The following ASS1 variants were observed in gnomAD, a reference collection of about 807,000 sequenced individuals.
ASS1 encodes the protein argininosuccinate synthase.
In ASS1, 58 loss-of-function variants were observed where a neutral mutation model predicts 60.5. The ratio of observed to expected loss-of-function variants is 0.96; its 90% CI spans 0.78 to 1.19. The LOEUF is 1.19. ASS1 is among the 50% of genes most tolerant of loss of function. The probability of loss-of-function intolerance (pLI) is 0.00; values close to 1 mark genes in which losing one functional copy is unlikely to be tolerated. For synonymous variants in ASS1, 200 were observed against 206.9 expected (o/e 0.97, Z 0.29); for missense variants, 454 against 547.3 (o/e 0.83, Z 1.70).
chr9:130,466,575 C>A, intron 5 of ASS1, 150 bp from the exon 6 acceptor site: 1 of 741,018 alleles, frequency 1.3e-6, no homozygotes. Flanking sequence ...CTTCATGGGG[C>A]TCCCTCTCAC....
chr9:130,496,092 A>G (rs899152283), intron 13 of ASS1, among the ~76,000 whole-genome samples: 16 of 152,158 alleles, frequency 1.1e-4, no homozygotes, highest in African/African-American at 3.9e-4. Flanking sequence ...CGCTGGGCCA[A>G]GAGAGACTGC....
At chr9:130,454,589 T>C (rs191578578) in intron 3 of ASS1, among the ~76,000 whole-genome samples, 43 of 152,176 alleles carry the variant, frequency 2.8e-4, no homozygotes, top group Non-Finnish European at 4.7e-4. Context: ...AGGTGGAGTG[T>C]CTCTTCCCCA....
chr9:130,470,871 C>T lies in ASS1; in HGVS notation c.533C>T (p.Pro178Leu), dbSNP rs768846877. 1.3e-5 allele frequency: 21 copies of T among 1,614,030 alleles called. No homozygotes were observed. The highest frequency in any genetic ancestry group is 3.3e-4 in the Middle Eastern group (2 of 6,084). The change falls in exon 7 of 15, where the codon CCG becomes CTG. Residue 178 changes from proline (P) to leucine (L), a missense_variant. Pro to Leu is a moderately conservative substitution (Grantham distance 98, BLOSUM62 -3). Coordinates refer to ENST00000352480, the MANE Select transcript of ASS1 (RefSeq NM_054012.4). The surrounding 1 kb of genome is among the most constrained non-coding windows in gnomAD (Gnocchi z 4.3). ...GIPIPVTPKNPWSMDENLMHI... is the reference protein window; with the variant it reads ...GIPIPVTPKNLWSMDENLMHI... Reference sequence around the variant, plus strand: ...CCCATCCCGGTCACTCCCAAGAACCCGTGGAGCATGGATGAGAACCTCATG... The same window carrying T: ...CCCATCCCGGTCACTCCCAAGAACCTGTGGAGCATGGATGAGAACCTCATG...
chr9:130,455,839 A>G (rs7860909), intron 3 of ASS1, among the ~76,000 whole-genome samples: 50,421 of 152,140 alleles, frequency 0.33, 8,478 homozygotes, highest in Middle Eastern at 0.37. Context: ...TGCCAGGGTA[A>G]TTAGCATGTT....
intron 7 of ASS1, among the ~76,000 whole-genome samples, chr9:130,471,246 T>A (rs1845859379): frequency 6.6e-6 from 1 of 152,132 alleles, no homozygotes; most frequent in South Asian, 2.1e-4. Context: ...CCCAACCACG[T>A]GCAGAGCCCC....
chr9:130,458,752 G>A (rs762514886), intron 4 of ASS1, among the ~76,000 whole-genome samples, 163 bp downstream of exon 4: 3 of 152,352 alleles, frequency 2.0e-5, no homozygotes, highest in South Asian at 4.1e-4. Flanking sequence ...GTAACAGCTC[G>A]CCCCTGCGCT....
At chr9:130,480,067 G>T (rs1240184954) in intron 10 of ASS1, among the ~76,000 whole-genome samples, 1 of 152,236 alleles carries the variant, frequency 6.6e-6, no homozygotes, top group Non-Finnish European at 1.5e-5. Flanking sequence ...GCCCTTGGCT[G>T]GATGGGAGGC....
Position 130,477,905 on chromosome 9 carries a change from C to T in ASS1, c.688+944C>T, listed in dbSNP as rs889696417. Among the ~76,000 whole-genome samples, 2 of 152,156 alleles carry T rather than the reference C, an allele frequency of 1.3e-5. No homozygotes were observed. The highest frequency in any genetic ancestry group is 1.9e-4 in the East Asian group (1 of 5,182). On this transcript the variant is annotated intron_variant, in intron 9 of 14. Coordinates refer to ENST00000352480, the MANE Select transcript of ASS1 (RefSeq NM_054012.4). This position sits in a 1 kb window ranked among gnomAD's most constrained non-coding sequence, Gnocchi z 4.2. ...CGGCTCTGGCGCTCGGCTCTTACCCCGGCTACCACAGAAAGGAGGATAGGG... is the reference window on the plus strand; with the variant it reads ...CGGCTCTGGCGCTCGGCTCTTACCCTGGCTACCACAGAAAGGAGGATAGGG...
In ASS1 at chr9:130,495,003, C is replaced by T. The variant is rs748301803; in HGVS notation, c.1107C>T (p.Leu369=). The T allele has an allele frequency of 1.2e-6, 2 of 1,612,874 alleles. No individual in the cohort carries two copies. The highest frequency in any genetic ancestry group is 2.2e-5 in the South Asian group (2 of 90,994). The part of the protein sequence containing the change: ...YILGRESPLS[L]YNEELVSMNV... Reference sequence around the variant, plus strand: ...TCGGCCGGGAGTCCCCACTGTCTCTCTACAATGAGGAGCTGGTGAGGTAGG... The same window carrying T: ...TCGGCCGGGAGTCCCCACTGTCTCTTTACAATGAGGAGCTGGTGAGGTAGG... The change falls in exon 13 of 15, where the codon CTC becomes CTT. Residue 369 remains leucine (L), a synonymous_variant. Coordinates refer to ENST00000352480, the MANE Select transcript of ASS1 (RefSeq NM_054012.4).
At chr9:130,452,142 T>G in intron 1 of ASS1, 82 bp from the exon 2 acceptor site, 1 of 1,231,806 alleles carries the variant, frequency 8.1e-7, no homozygotes, top group Non-Finnish European at 1.2e-6. Context: ...AAGGCCAAGG[T>G]CGGGGCTGGG....
At position 130,471,529 on chromosome 9, in the gene ASS1, C is replaced by A; in HGVS notation, c.597+14C>A. On this transcript the variant is annotated intron_variant, in intron 8 of 14. Transcript: ENST00000352480. ...GAGAACCCCAAGGTAATCCCCCAAA[C>A]CCCATCTCCTCCCAGCTGGCCACCT... 1 of 1,612,878 alleles carries A rather than the reference C, an allele frequency of 6.2e-7. No individual in the cohort carries two copies. Among genetic ancestry groups the A allele is most frequent in the Non-Finnish European group, 8.5e-7 (1 of 1,178,838 alleles).
chr9:130,500,067 T>C (rs1432228774), intron 14 of ASS1, among the ~76,000 whole-genome samples: 1 of 151,784 alleles, frequency 6.6e-6, no homozygotes. Context: ...CCAGTAAGAG[T>C]GTCAGCTGTA....
At position 130,480,860 on chromosome 9, in the gene ASS1, CA is replaced by C. The variant is rs1284792294; in HGVS notation, c.838+412del. Among the ~76,000 whole-genome samples, 4 of 152,226 alleles carry C rather than the reference CA, an allele frequency of 2.6e-5. No homozygotes were observed. In the East Asian group the frequency reaches 5.8e-4, roughly 22 times the overall value. On this transcript the variant is annotated intron_variant, in intron 11 of 14. Transcript: ENST00000352480. ...CGGCCAGGCAGGGCGAAAATCCTGC[CA>C]GGGGTGGGCGCTGTGGCTGCACAGG... is the stretch of plus-strand genomic sequence containing the variant.
intron 4 of ASS1, among the ~76,000 whole-genome samples, chr9:130,462,384 G>A (rs1483638299): frequency 6.6e-6 from 1 of 152,196 alleles, no homozygotes; most frequent in Non-Finnish European, 1.5e-5. Flanking sequence ...CCGGAAAGCT[G>A]CCAGGAGCTG....
At chr9:130,455,356 A>G (rs1475434335) in intron 3 of ASS1, among the ~76,000 whole-genome samples, 1 of 149,698 alleles carries the variant, frequency 6.7e-6, no homozygotes, top group Non-Finnish European at 1.5e-5. Flanking sequence ...TCCACTGTCT[A>G]TCCATCCATT....
rs894823763 is a variant in ASS1, at chr9:130,494,716, T to C, written c.971-151T>C. On this transcript the variant is annotated intron_variant, in intron 12 of 14. Coordinates refer to ENST00000352480, the MANE Select transcript of ASS1 (RefSeq NM_054012.4). The surrounding 1 kb of genome is among the most constrained non-coding windows in gnomAD (Gnocchi z 4.3). Reference sequence around the variant, plus strand: ...AAAGCATGGTCCTCAACTCAGCCACTGGCAAGCGCACATTGTGCCAGTCTC... The same window carrying C: ...AAAGCATGGTCCTCAACTCAGCCACCGGCAAGCGCACATTGTGCCAGTCTC... The C allele has an allele frequency of 1.6e-4, 165 of 1,038,908 alleles. 1 individual carries two copies. Among genetic ancestry groups the C allele is most frequent in the Non-Finnish European group, 2.2e-4 (154 of 690,242 alleles). 64.4% of individuals were successfully genotyped at this position (1,038,908 alleles called of 1,614,324 possible).
At chr9:130,446,794 C>T (rs978764542) in intron 1 of ASS1, among the ~76,000 whole-genome samples, 6 of 152,226 alleles carry the variant, frequency 3.9e-5, no homozygotes, top group African/African-American at 1.4e-4. Context: ...ACTGACTACA[C>T]AGTCCCTGAA....
At chr9:130,479,858 G>A (rs1354243030) in intron 10 of ASS1, 58 bp downstream of exon 10, 1 of 1,539,540 alleles carries the variant, frequency 6.5e-7, no homozygotes. Context: ...GCGAGCACGA[G>A]CCTGGACCGT....
chr9:130,482,287 C>T (rs1317298205), intron 11 of ASS1, among the ~76,000 whole-genome samples: 2 of 151,678 alleles, frequency 1.3e-5, no homozygotes, highest in Non-Finnish European at 2.9e-5. Flanking sequence ...GGAATGGGGA[C>T]AGAAGCAGCC....
Sources: gnomAD v4.1 joint callset for allele counts (sites outside exome capture counted in the v4.1 genomes callset) on GRCh38, gnomAD v4.1.1 for gene constraint, Gnocchi (gnomAD v3.1) non-coding constraint, MANE v1.5 for transcripts, NCBI Gene and HGNC (gene_info 2026-07-23, HGNC 2026-07-21) for gene names.